The following FHIP2A variants were observed in gnomAD, a reference collection of about 807,000 sequenced individuals.
FHIP2A encodes the protein family with sequence similarity 160 member B1.
FHIP2A carries 46 observed loss-of-function variants against 93.5 expected under a neutral mutation model. That is an observed-to-expected ratio of 0.49 (90% CI 0.39 to 0.63). The LOEUF (loss-of-function observed/expected upper bound fraction) is 0.63, where lower values mean the gene tolerates loss of function less well. Among genes scored for constraint, FHIP2A ranks in the 20% least tolerant of loss-of-function variants. The pLI, the probability that FHIP2A is intolerant of heterozygous loss-of-function variation, is 0.00. For missense variants in FHIP2A, 769 were observed against 909.7 expected, an observed-to-expected ratio of 0.85 and a Z score of 1.99; for synonymous variants, 332 against 326.5, an observed-to-expected ratio of 1.02 and a Z score of -0.18.
At chr10:114,860,936 C>T (rs1342353193) in intron 15 of FHIP2A, 47 bp downstream of exon 15, 13 of 1,537,472 alleles carry the variant, frequency 8.5e-6, no homozygotes, top group Non-Finnish European at 1.2e-5. Flanking sequence ...TAAATCTGTG[C>T]AATTAATATG....
chr10:114,860,256 C>G (rs2083789612), intron 14 of FHIP2A, among the ~76,000 whole-genome samples: 1 of 152,026 alleles, frequency 6.6e-6, no homozygotes, highest in African/African-American at 2.4e-5. Context: ...TTTAGGCCTG[C>G]AATATATGTA....
chr10:114,899,106 G>A (rs978455518), intron 16 of FHIP2A, among the ~76,000 whole-genome samples: 9 of 152,194 alleles, frequency 5.9e-5, no homozygotes, highest in African/African-American at 2.2e-4. Flanking sequence ...TAGACCAGTG[G>A]GGTGCAGCTT....
intron 16 of FHIP2A, among the ~76,000 whole-genome samples, chr10:114,871,933 C>A (rs2083862123): frequency 6.6e-6 from 1 of 152,140 alleles, no homozygotes; most frequent in Non-Finnish European, 1.5e-5. Context: ...TTTATTGACT[C>A]AACTAAGAAA....
downstream of FHIP2A, among the ~76,000 whole-genome samples, chr10:114,868,258 G>A (rs576185154): frequency 5.9e-5 from 9 of 152,190 alleles, no homozygotes; most frequent in African/African-American, 2.2e-4. Context: ...GGAGGTGAGT[G>A]GCAGGCGACC....
intron 16 of FHIP2A, among the ~76,000 whole-genome samples, chr10:114,894,405 A>C (rs1223198840): frequency 6.6e-6 from 1 of 151,910 alleles, no homozygotes; most frequent in Non-Finnish European, 1.5e-5. Flanking sequence ...CAAAAAAAAA[A>C]AAAAAAAAAA....
Position 114,843,918 on chromosome 10 carries a change from G to A in FHIP2A, c.994G>A (p.Val332Met), listed in dbSNP as rs2083685170. Residue 332 changes from valine (V) to methionine (M), a missense_variant, in exon 7 of 17, where the codon GTG becomes ATG. Coordinates refer to ENST00000369248, the MANE Select transcript of FHIP2A (RefSeq NM_020940.4). ...QSVDPLDIET[V>M]EAINWGLDSY... ...AGTGGATCCGTTAGATATTGAAACC[G>A]TGGAAGCAATTAACTGGGGGTAAGC... The A allele has an allele frequency of 5.7e-6, 9 of 1,573,216 alleles. No individual in the cohort carries two copies. Among genetic ancestry groups the A allele is most frequent in the South Asian group, 2.4e-5 (2 of 83,440 alleles).
chr10:114,871,019 C>CATAT (rs35061998), intron 16 of FHIP2A, among the ~76,000 whole-genome samples: 4 of 149,052 alleles, frequency 2.7e-5, no homozygotes, highest in South Asian at 4.2e-4. Context: ...TTAGCCTCCA[C>CATAT]ATATATATAT....
intron 10 of FHIP2A, 95 bp from the exon 11 acceptor site, chr10:114,846,464 G>A (rs776516376): frequency 2.1e-6 from 3 of 1,435,514 alleles, no homozygotes; most frequent in Non-Finnish European, 2.8e-6. Context: ...CTCTTTTATT[G>A]GCTTTAGAAA....
rs578133343 is a variant in FHIP2A at position 114,876,425 on chromosome 10, C to A, written c.2192+15091C>A. Among the ~76,000 whole-genome samples, 10 of 152,262 alleles carry A rather than the reference C, an allele frequency of 6.6e-5. No homozygotes were observed. The South Asian group carries it at 1.9e-3, about 28-fold the overall frequency. ...TGCTCAGCTCTGGTGCTTTAGGCAC[C>A]CCACATCACCTCCCCGAGCCTCAGT... On this transcript the variant is annotated intron_variant, in intron 16 of 16. Transcript: ENST00000369250.
chr10:114,853,091 T>A (rs2083746270), intron 13 of FHIP2A, among the ~76,000 whole-genome samples: 1 of 152,216 alleles, frequency 6.6e-6, no homozygotes, highest in Admixed American at 6.5e-5. Context: ...TCCTTTGTGT[T>A]TTCTTTCTTG....
At position 114,861,257 on chromosome 10, in the gene FHIP2A, C is replaced by A; in HGVS notation, c.2115C>A (p.Ile705=). 1 of 1,614,128 alleles carries A rather than the reference C, an allele frequency of 6.2e-7. No individual in the cohort carries two copies. The highest frequency in any genetic ancestry group is 8.5e-7 in the Non-Finnish European group (1 of 1,180,012). ...VRVVGDLMLR[I]QRIQDFTPKL... ...TTGTTGGAGACCTTATGCTTCGAAT[C>A]CAGCGTATTCAAGACTTTACTCCCA... The change falls in exon 16 of 17, where the codon ATC becomes ATA. Residue 705 remains isoleucine, a synonymous_variant. Coordinates refer to ENST00000369248, the MANE Select transcript of FHIP2A (RefSeq NM_020940.4).
At chr10:114,826,620 A>G (rs967270320) in intron 1 of FHIP2A, among the ~76,000 whole-genome samples, 2 of 152,156 alleles carry the variant, frequency 1.3e-5, no homozygotes, top group Non-Finnish European at 2.9e-5. Flanking sequence ...CTCTGGAAGG[A>G]AGTGAGCAAG....
intron 13 of FHIP2A, among the ~76,000 whole-genome samples, chr10:114,854,282 C>T (rs2083753882): frequency 6.6e-6 from 1 of 151,960 alleles, no homozygotes; most frequent in South Asian, 2.1e-4. Flanking sequence ...CACGTGAGGT[C>T]AGGAATTCGA....
intron 16 of FHIP2A, among the ~76,000 whole-genome samples, chr10:114,899,280 A>G (rs575137573): frequency 2.0e-5 from 3 of 152,320 alleles, no homozygotes; most frequent in African/African-American, 7.2e-5. Flanking sequence ...GAAAAGATAT[A>G]TAAGTTAAAA....
In FHIP2A at chr10:114,837,302, G is replaced by A. The variant is rs151113410; in HGVS notation, c.522+1056G>A. On this transcript the variant is annotated intron_variant, in intron 5 of 16. Transcript: ENST00000369248. Reference sequence around the variant, plus strand: ...GGCTGGTGCAGGTGGATCAGTTGAGGTCAGGAGTTCGAGATCAGCCTGACC... The same window carrying A: ...GGCTGGTGCAGGTGGATCAGTTGAGATCAGGAGTTCGAGATCAGCCTGACC... 6.4e-3 allele frequency among the ~76,000 whole-genome samples: 971 copies of A among 152,250 alleles called. 13 individuals are homozygous for A. The highest frequency in any genetic ancestry group is 0.022 in the African/African-American group (928 of 41,558).
chr10:114,868,796 C>T (rs1484900893), downstream of FHIP2A, among the ~76,000 whole-genome samples: 1 of 152,094 alleles, frequency 6.6e-6, no homozygotes, highest in Non-Finnish European at 1.5e-5. Context: ...TCATTTGCAT[C>T]GTGATCACAC....
chr10:114,843,709 A>G, intron 6 of FHIP2A, 32 bp from the exon 7 acceptor site: 1 of 1,463,562 alleles, frequency 6.8e-7, no homozygotes, highest in Admixed American at 2.6e-5. Flanking sequence ...TATACAATTC[A>G]AGAATTGAAG....
chr10:114,830,526 C>A (rs2083602163), intron 1 of FHIP2A, among the ~76,000 whole-genome samples: 1 of 152,044 alleles, frequency 6.6e-6, no homozygotes, highest in Admixed American at 6.6e-5. Context: ...CCTACCTCAG[C>A]CTCCCAGAGT....
Position 114,836,852 on chromosome 10 carries a change from T to G in FHIP2A, c.522+606T>G, listed in dbSNP as rs144764750. ...GCAGTGAAGTCATTTTGGAATATTTTAGAAAAAATGATTATGTTGTTTTTG... is the reference window on the plus strand; with the variant it reads ...GCAGTGAAGTCATTTTGGAATATTTGAGAAAAAATGATTATGTTGTTTTTG... On this transcript the variant is annotated intron_variant, in intron 5 of 16. Transcript: ENST00000369248. Among the ~76,000 whole-genome samples the G allele has an allele frequency of 1.9e-4, 29 of 152,326 alleles. 1 individual carries two copies. In the East Asian group the frequency reaches 5.0e-3, roughly 26 times the overall value.
Sources: allele counts gnomAD v4.1 joint callset (sites outside exome capture counted in the v4.1 genomes callset), GRCh38; gene constraint gnomAD v4.1.1; transcripts MANE v1.5; gene names NCBI Gene and HGNC (gene_info 2026-07-23, HGNC 2026-07-21).